The following CLIC5 variants were observed in gnomAD, a reference collection of about 807,000 sequenced individuals.
CLIC5 encodes the protein chloride intracellular channel protein 5.
CLIC5 carries 20 observed loss-of-function variants against 24.7 expected under a neutral mutation model. The ratio of observed to expected loss-of-function variants is 0.81; its 90% CI spans 0.57 to 1.18. CLIC5 has a LOEUF of 1.18. Among genes scored for constraint, CLIC5 ranks in the 50% most tolerant of loss-of-function variants. The pLI, the probability that CLIC5 is intolerant of heterozygous loss-of-function variation, is 0.00. For synonymous variants in CLIC5, 159 were observed against 135.6 expected (o/e 1.17, Z -1.20); for missense variants, 341 against 326.1 (o/e 1.05, Z -0.35).
At chr6:46,029,441 A>C (rs966735465) in intron 1 of CLIC5, among the ~76,000 whole-genome samples, 2 of 152,216 alleles carry the variant, frequency 1.3e-5, no homozygotes, top group African/African-American at 4.8e-5. Flanking sequence ...GACACAGAGA[A>C]GTAAAGTGAC....
chr6:46,071,166 GCAAAGATTTCATGA>G (rs1205997636), intron 1 of CLIC5, among the ~76,000 whole-genome samples: 3 of 152,048 alleles, frequency 2.0e-5, no homozygotes, highest in Non-Finnish European at 4.4e-5. Flanking sequence ...ATAGAAACAG[GCAAAGATTTCATGA>G]CAAAGATGCC....
At chr6:45,886,151 T>G (rs1762303036) in intron 6 of CLIC5, among the ~76,000 whole-genome samples, 1 of 152,186 alleles carries the variant, frequency 6.6e-6, no homozygotes, top group Non-Finnish European at 1.5e-5. Flanking sequence ...TCAGAATACG[T>G]CATGAAATGG....
At chr6:46,077,239 C>T (rs1762795006) in intron 1 of CLIC5, among the ~76,000 whole-genome samples, 1 of 152,098 alleles carries the variant, frequency 6.6e-6, no homozygotes, top group African/African-American at 2.4e-5. Context: ...GATTAAGCCT[C>T]AATAAAATGT....
the CLIC5 span, among the ~76,000 whole-genome samples, chr6:46,116,776 C>T: frequency 1.5e-4 from 23 of 152,272 alleles, no homozygotes; most frequent in African/African-American, 4.6e-4. Flanking sequence ...AAATTGTTGA[C>T]CATCTAGGTC....
the CLIC5 span, among the ~76,000 whole-genome samples, chr6:46,100,534 G>A: frequency 0.029 from 4,363 of 152,222 alleles, 367 homozygotes; most frequent in East Asian, 0.26. Flanking sequence ...CCTCCCAGCC[G>A]AAATGCCACT....
chr6:45,947,169 G>A (rs1310833470), intron 3 of CLIC5, among the ~76,000 whole-genome samples: 1 of 152,204 alleles, frequency 6.6e-6, no homozygotes, highest in Non-Finnish European at 1.5e-5. Flanking sequence ...AGGACGCATG[G>A]GGCATACAAT....
At chr6:46,005,653 A>G (rs1766525634) in intron 1 of CLIC5, among the ~76,000 whole-genome samples, 1 of 152,064 alleles carries the variant, frequency 6.6e-6, no homozygotes, top group Non-Finnish European at 1.5e-5. Context: ...CCTATGCTAA[A>G]ATTTCATCTC....
At chr6:46,018,458 C>CT (rs1767082894), upstream of CLIC5, among the ~76,000 whole-genome samples, 1 of 152,124 alleles carries the variant, frequency 6.6e-6, no homozygotes, top group Admixed American at 6.5e-5. Context: ...CTGCAGATAA[C>CT]TTATAGTTTT....
At chr6:45,934,090 C>G (rs2127355215) in intron 4 of CLIC5, 1 of 152,366 alleles carries the variant, frequency 6.6e-6, no homozygotes, top group South Asian at 2.1e-4. Context: ...TTTTTATCTT[C>G]TAGGAGGACC....
chr6:46,107,833 C>T, the CLIC5 span, among the ~76,000 whole-genome samples: 2 of 152,022 alleles, frequency 1.3e-5, no homozygotes, highest in Non-Finnish European at 1.5e-5. Context: ...GTTGGGAGTT[C>T]AAGACCTGTC....
intron 1 of CLIC5, among the ~76,000 whole-genome samples, chr6:45,984,640 G>T (rs992922587): frequency 6.6e-6 from 1 of 152,172 alleles, no homozygotes; most frequent in African/African-American, 2.4e-5. Flanking sequence ...TCACTGCAGG[G>T]CAAGGCTTTC....
chr6:45,974,411 G>A (rs1359824213), intron 1 of CLIC5, among the ~76,000 whole-genome samples: 1 of 150,684 alleles, frequency 6.6e-6, no homozygotes, highest in African/African-American at 2.4e-5. Context: ...TATATATAGG[G>A]CAGAATGAAA....
chr6:46,021,731 T>C (rs1284327833), intron 1 of CLIC5, among the ~76,000 whole-genome samples: 4 of 152,076 alleles, frequency 2.6e-5, no homozygotes, highest in Middle Eastern at 3.4e-3. Flanking sequence ...TTCTGGAAAA[T>C]AAAAAAATTA....
At chr6:46,005,451 A>C (rs1205287501) in intron 1 of CLIC5, among the ~76,000 whole-genome samples, 1 of 152,200 alleles carries the variant, frequency 6.6e-6, no homozygotes, top group East Asian at 1.9e-4. Context: ...ACCCTGCCTC[A>C]GATGCAGGGC....
At chr6:45,926,180 TAC>T (rs1024389820) in intron 4 of CLIC5, among the ~76,000 whole-genome samples, 61 of 150,594 alleles carry the variant, frequency 4.1e-4, no homozygotes, top group Admixed American at 2.1e-3. Context: ...GAAACATATA[TAC>T]ACACACACAC....
chr6:46,032,372 T>G (rs1351081509), intron 1 of CLIC5, among the ~76,000 whole-genome samples: 1 of 152,222 alleles, frequency 6.6e-6, no homozygotes, highest in African/African-American at 2.4e-5. Flanking sequence ...GAGATTTGGG[T>G]GGTGACACGA....
chr6:46,108,118 G>C, the CLIC5 span, among the ~76,000 whole-genome samples: 118 of 151,016 alleles, frequency 7.8e-4, no homozygotes, highest in Non-Finnish European at 1.8e-4. Context: ...ACGTTAAAAA[G>C]GGTTTATGGA....
chr6:45,925,316 G>T (rs1046704350), intron 4 of CLIC5, among the ~76,000 whole-genome samples: 3 of 139,340 alleles, frequency 2.2e-5, no homozygotes, highest in Admixed American at 7.1e-5. Context: ...TCATTATTCC[G>T]CTTTTTTTTT....
At chr6:46,051,088 T>C (rs987659833) in intron 1 of CLIC5, among the ~76,000 whole-genome samples, 1 of 152,166 alleles carries the variant, frequency 6.6e-6, no homozygotes, top group East Asian at 1.9e-4. Flanking sequence ...ATCTCTGAAC[T>C]CTTAGAACAT....
Sources: gnomAD v4.1 joint callset for allele counts (sites outside exome capture counted in the v4.1 genomes callset) on GRCh38, gnomAD v4.1.1 for gene constraint, MANE v1.5 for transcripts, NCBI Gene and HGNC (gene_info 2026-07-23, HGNC 2026-07-21) for gene names.